CASD1: variants seen among roughly 807,000 people sequenced by gnomAD.
CASD1 encodes the protein N-acetylneuraminate (7)9-O-acetyltransferase.
CASD1 carries 41 observed loss-of-function variants against 100.0 expected under a neutral mutation model. That is an observed-to-expected ratio of 0.41 (90% CI 0.32 to 0.53). The LOEUF is 0.53. CASD1 is among the 20% of genes least tolerant of loss of function. CASD1 has a pLI of 0.25. For synonymous variants in CASD1, 321 were observed against 315.6 expected (o/e 1.02, Z -0.18); for missense variants, 774 against 948.7 (o/e 0.82, Z 2.42).
the CASD1 span, among the ~76,000 whole-genome samples, chr7:94,581,821 T>C: frequency 6.6e-6 from 1 of 152,234 alleles, no homozygotes; most frequent in Non-Finnish European, 1.5e-5. Flanking sequence ...TTGTGAATAG[T>C]GCTGCAGTGA....
chr7:94,547,180 G>C lies in CASD1; in HGVS notation c.1713+5G>C. The C allele has an allele frequency of 6.5e-7, 1 of 1,549,284 alleles. No homozygotes were observed. The highest frequency in any genetic ancestry group is 8.7e-7 in the Non-Finnish European group (1 of 1,144,410). On this transcript the variant is annotated splice_donor_5th_base_variant and intron_variant, in intron 13 of 17. Transcript: ENST00000297273. Reference sequence around the variant, plus strand: ...TGTTTTTTGGCATATTCTCAGGTTTGTACAATCTTTTCAGTTTATATTTTT... The same window carrying C: ...TGTTTTTTGGCATATTCTCAGGTTTCTACAATCTTTTCAGTTTATATTTTT...
chr7:94,564,768 A>C, the CASD1 span, among the ~76,000 whole-genome samples: 1 of 152,182 alleles, frequency 6.6e-6, no homozygotes, highest in Non-Finnish European at 1.5e-5. Context: ...GTTGTCAAAA[A>C]GGCTGGTTAC....
At chr7:94,618,770 T>A in the CASD1 span, 2 of 1,613,762 alleles carry the variant, frequency 1.2e-6, no homozygotes, top group Non-Finnish European at 1.7e-6. Flanking sequence ...CTCCTTCAGG[T>A]CATTAATGGG....
Position 94,544,429 on chromosome 7 carries a change from C to G in CASD1, c.1375C>G (p.His459Asp). The G allele has an allele frequency of 6.2e-7, 1 of 1,613,140 alleles. No homozygotes were observed. The change falls in exon 11 of 18, where the codon CAC (histidine) becomes GAC (aspartate). Residue 459 changes from histidine to aspartate, a missense_variant. Physicochemically the swap from His to Asp is moderately conservative, Grantham distance 81 (BLOSUM62 -1). Transcript: ENST00000297273. ...TCAACAGTTTTTGCCTGTATACATGCACATTCGAGTTCTGGTTGCTGCATA... is the reference window on the plus strand; with the variant it reads ...TCAACAGTTTTTGCCTGTATACATGGACATTCGAGTTCTGGTTGCTGCATA... ...GASTFLPVYMHIRVLVAAYLF... is the reference protein window; with the variant it reads ...GASTFLPVYMDIRVLVAAYLF...
the CASD1 span, chr7:94,624,481 C>A: frequency 2.0e-4 from 68 of 346,044 alleles, 1 homozygote; most frequent in South Asian, 2.9e-3. Context: ...GTTAAAAGAA[C>A]CTCTCTCTCC....
intron 13 of CASD1, among the ~76,000 whole-genome samples, chr7:94,548,700 T>C (rs1275387740): frequency 3.9e-5 from 6 of 151,926 alleles, no homozygotes; most frequent in Non-Finnish European, 7.4e-5. Context: ...CTTTGTTTTT[T>C]AATAGCCTCT....
the CASD1 span, chr7:94,628,137 TACAC>T: frequency 4.0e-4 from 391 of 989,460 alleles, no homozygotes; most frequent in African/African-American, 1.1e-3. Flanking sequence ...CAAATTACAA[TACAC>T]ACACACACAC....
At chr7:94,629,613 C>A in the CASD1 span, 3 of 1,003,912 alleles carry the variant, frequency 3.0e-6, no homozygotes, top group African/African-American at 1.6e-5. Context: ...ATATTTAGAC[C>A]ATTTGAAATA....
the CASD1 span, chr7:94,588,688 C>T: frequency 6.3e-7 from 1 of 1,592,960 alleles, no homozygotes; most frequent in Non-Finnish European, 8.6e-7. Context: ...TTAGCACTCA[C>T]CTGTAGTCTG....
chr7:94,612,063 C>T, the CASD1 span, among the ~76,000 whole-genome samples: 163 of 152,256 alleles, frequency 1.1e-3, 1 homozygote, highest in African/African-American at 3.6e-3. Flanking sequence ...ACTACCAAGG[C>T]AACACCATAT....
the CASD1 span, among the ~76,000 whole-genome samples, chr7:94,614,314 A>G: frequency 4.5e-3 from 687 of 152,252 alleles, 8 homozygotes; most frequent in African/African-American, 0.015. Context: ...CCCAGCACCT[A>G]TATCCACACA....
At chr7:94,517,734 A>G in intron 2 of CASD1, 78 bp downstream of exon 2, 2 of 821,410 alleles carry the variant, frequency 2.4e-6, no homozygotes, top group Middle Eastern at 2.7e-4. Flanking sequence ...GTGAAACAGT[A>G]CTTTTCATCT....
At chr7:94,598,503 T>C in the CASD1 span, 53,403 of 395,936 alleles carry the variant, frequency 0.13, 4,476 homozygotes, top group East Asian at 0.24. Context: ...TGAGCAAACA[T>C]GTAATGTTGA....
the CASD1 span, chr7:94,618,543 A>G: frequency 1.9e-5 from 10 of 537,606 alleles, no homozygotes; most frequent in African/African-American, 5.7e-5. Context: ...CTCATCTACA[A>G]TTAGATTTCA....
intron 11 of CASD1, 113 bp from the exon 12 acceptor site, chr7:94,545,432 T>C (rs1468218792): frequency 7.4e-6 from 5 of 679,022 alleles, no homozygotes; most frequent in African/African-American, 7.1e-5. Context: ...ACAGTCATTA[T>C]TGAGTCTTAG....
the CASD1 span, chr7:94,627,654 C>G: frequency 6.5e-6 from 1 of 152,678 alleles, no homozygotes; most frequent in African/African-American, 2.4e-5. Context: ...TCTTTACCTT[C>G]TTACAACTCT....
At chr7:94,533,543 T>C (rs1169944691) in intron 6 of CASD1, 136 bp from the exon 7 acceptor site, 4 of 685,770 alleles carry the variant, frequency 5.8e-6, no homozygotes, top group African/African-American at 5.6e-5. Context: ...ATGAACTAAT[T>C]TGACTGAATT....
intron 3 of CASD1, among the ~76,000 whole-genome samples, chr7:94,521,057 A>C (rs1439464031): frequency 6.6e-6 from 1 of 152,012 alleles, no homozygotes; most frequent in Middle Eastern, 3.2e-3. Flanking sequence ...ATGCCACTGC[A>C]CTCCAGCCTG....
chr7:94,616,002 A>G, the CASD1 span, among the ~76,000 whole-genome samples: 1 of 152,224 alleles, frequency 6.6e-6, no homozygotes, highest in African/African-American at 2.4e-5. Context: ...CAGAGGGCTC[A>G]GCCTTCCTTT....
Sources: allele counts gnomAD v4.1 joint callset (sites outside exome capture counted in the v4.1 genomes callset), GRCh38; gene constraint gnomAD v4.1.1; transcripts MANE v1.5; gene names NCBI Gene and HGNC (gene_info 2026-07-23, HGNC 2026-07-21).